The following FGF14 variants were observed in gnomAD, a reference collection of about 807,000 sequenced individuals.
The protein encoded by FGF14 is fibroblast growth factor 14, also known as fibroblast growth factor homologous factor 4.
Under a neutral mutation model 25.5 loss-of-function variants are expected in FGF14, and 5 were observed. The observed-to-expected ratio is 0.20, with a 90% CI of 0.10 to 0.41. The LOEUF (loss-of-function observed/expected upper bound fraction) is 0.41, where lower values mean the gene tolerates loss of function less well. FGF14 is among the 10% of genes least tolerant of loss of function. FGF14 has a pLI of 1.00. For synonymous variants in FGF14, 138 were observed against 118.3 expected (o/e 1.17, Z -1.08); for missense variants, 222 against 320.1 (o/e 0.69, Z 2.34).
chr13:102,373,812 G>A (rs1475965553), intron 1 of FGF14: 2 of 152,150 alleles, frequency 1.3e-5, no homozygotes, highest in African/African-American at 4.8e-5. Flanking sequence ...ATTTTGTAGA[G>A]ATCTTGTAGA....
intron 1 of FGF14, among the ~76,000 whole-genome samples, chr13:102,290,371 C>G (rs1250636511): frequency 6.6e-6 from 1 of 152,148 alleles, no homozygotes; most frequent in Non-Finnish European, 1.5e-5. Context: ...ATCCCAGCTT[C>G]CAGAACTGGA....
chr13:101,927,657 G>A (rs968112232), intron 1 of FGF14, among the ~76,000 whole-genome samples: 10 of 152,170 alleles, frequency 6.6e-5, no homozygotes, highest in African/African-American at 1.4e-4. Context: ...TTCCAGGACC[G>A]GGAGTTGCCC....
intron 1 of FGF14, among the ~76,000 whole-genome samples, chr13:101,912,895 T>C (rs572395828): frequency 1.8e-4 from 27 of 152,242 alleles, no homozygotes; most frequent in South Asian, 4.2e-4. Context: ...GAGAACCCAG[T>C]GTATGGCAAA....
At chr13:102,322,994 G>A (rs563043838) in intron 1 of FGF14, among the ~76,000 whole-genome samples, 4 of 152,062 alleles carry the variant, frequency 2.6e-5, no homozygotes, top group East Asian at 3.9e-4. Context: ...TGATCCTTAC[G>A]CTAGCATTTC....
intron 1 of FGF14, among the ~76,000 whole-genome samples, chr13:102,149,511 A>G (rs921906288): frequency 1.3e-5 from 2 of 152,216 alleles, no homozygotes; most frequent in African/African-American, 4.8e-5. Flanking sequence ...CCCATCTCCG[A>G]CCTGATATAC....
At chr13:101,795,602 C>G (rs939231416) in intron 3 of FGF14, among the ~76,000 whole-genome samples, 3 of 151,984 alleles carry the variant, frequency 2.0e-5, no homozygotes, top group Non-Finnish European at 2.9e-5. Context: ...CCTGAACCAT[C>G]AGAAGTAGAA....
chr13:102,050,583 G>A (rs781686292), intron 1 of FGF14, among the ~76,000 whole-genome samples: 1 of 152,112 alleles, frequency 6.6e-6, no homozygotes, highest in African/African-American at 2.4e-5. Context: ...GATTCCTTAA[G>A]ACTCAATGTA....
intron 3 of FGF14, among the ~76,000 whole-genome samples, chr13:101,821,633 G>T (rs1383897055): frequency 6.6e-6 from 1 of 152,154 alleles, no homozygotes; most frequent in African/African-American, 2.4e-5. Flanking sequence ...TTCCCAAATG[G>T]TTATAGCAAC....
At chr13:102,386,081 G>A (rs189948037) in intron 1 of FGF14, among the ~76,000 whole-genome samples, 159 of 150,292 alleles carry the variant, frequency 1.1e-3, no homozygotes, top group African/African-American at 3.6e-3. Flanking sequence ...TAATTTTCTT[G>A]TAATTCTAAA....
At chr13:101,979,461 A>C (rs1264334449) in intron 1 of FGF14, among the ~76,000 whole-genome samples, 1 of 152,178 alleles carries the variant, frequency 6.6e-6, no homozygotes, top group Non-Finnish European at 1.5e-5. Flanking sequence ...CCTTGTTATT[A>C]GCCCTATTTT....
At chr13:101,820,216 G>T (rs1020462561) in intron 3 of FGF14, among the ~76,000 whole-genome samples, 4 of 152,146 alleles carry the variant, frequency 2.6e-5, no homozygotes, top group Middle Eastern at 6.8e-3. Context: ...AATAAATGAT[G>T]CTGTGTTCTG....
At chr13:101,839,239 G>C (rs2043083386) in intron 3 of FGF14, among the ~76,000 whole-genome samples, 1 of 151,982 alleles carries the variant, frequency 6.6e-6, no homozygotes, top group African/African-American at 2.4e-5. Flanking sequence ...TTAATTTTAA[G>C]TTGAATGCAA....
chr13:102,050,957 G>T (rs1324311082), intron 1 of FGF14, among the ~76,000 whole-genome samples: 1 of 152,130 alleles, frequency 6.6e-6, no homozygotes, highest in Non-Finnish European at 1.5e-5. Context: ...ATTCTTGATG[G>T]GGAACACCAG....
intron 1 of FGF14, among the ~76,000 whole-genome samples, chr13:102,206,801 C>T (rs1004096980): frequency 1.3e-5 from 2 of 152,136 alleles, no homozygotes; most frequent in African/African-American, 4.8e-5. Flanking sequence ...TATCTTGAAT[C>T]CTTTAGGCTT....
intron 1 of FGF14, among the ~76,000 whole-genome samples, chr13:101,928,691 C>T (rs940267626): frequency 2.0e-5 from 3 of 152,096 alleles, no homozygotes; most frequent in South Asian, 2.1e-4. Flanking sequence ...GCTAAGCTCA[C>T]GGCTAACTGG....
intron 1 of FGF14, among the ~76,000 whole-genome samples, chr13:102,208,462 T>C (rs897660579): frequency 6.6e-6 from 1 of 152,140 alleles, no homozygotes. Flanking sequence ...CTCCTATCAG[T>C]TTATCTTGTG....
At chr13:101,826,268 G>A (rs997816310) in intron 3 of FGF14, among the ~76,000 whole-genome samples, 11 of 151,750 alleles carry the variant, frequency 7.2e-5, no homozygotes, top group African/African-American at 1.9e-4. Context: ...CCCCGTCCCC[G>A]ATACACAGAA....
At chr13:101,873,922 G>A (rs1356046554) in intron 2 of FGF14, among the ~76,000 whole-genome samples, 2 of 151,850 alleles carry the variant, frequency 1.3e-5, no homozygotes, top group Non-Finnish European at 2.9e-5. Context: ...ATAAAAAAGA[G>A]TGATATGAGA....
At chr13:102,102,341 T>A (rs972505360) in intron 1 of FGF14, among the ~76,000 whole-genome samples, 1 of 152,118 alleles carries the variant, frequency 6.6e-6, no homozygotes, top group African/African-American at 2.4e-5. Flanking sequence ...ACTTGATGGG[T>A]AATAAACTGC....
Sources: gnomAD v4.1 joint callset for allele counts (sites outside exome capture counted in the v4.1 genomes callset) on GRCh38, gnomAD v4.1.1 for gene constraint, MANE v1.5 for transcripts, NCBI Gene and HGNC (gene_info 2026-07-23, HGNC 2026-07-21) for gene names.